The following ADK variants were observed in gnomAD, a reference collection of about 807,000 sequenced individuals.
ADK encodes the protein adenosine kinase, also known as N6,N6-dimethyladenosine kinase.
Under a neutral mutation model 44.7 loss-of-function variants are expected in ADK, and 24 were observed. The observed-to-expected ratio is 0.54, with a 90% CI of 0.39 to 0.76. The LOEUF is 0.76. ADK is among the 30% of genes least tolerant of loss of function. The pLI, the probability that ADK is intolerant of heterozygous loss-of-function variation, is 0.00. For synonymous variants in ADK, 128 were observed against 142.6 expected (o/e 0.90, Z 0.73); for missense variants, 321 against 425.1 (o/e 0.76, Z 2.15).
intron 5 of ADK, among the ~76,000 whole-genome samples, chr10:74,395,485 T>G (rs1201871696): frequency 6.6e-6 from 1 of 152,128 alleles, no homozygotes; most frequent in Admixed American, 6.5e-5. Context: ...ACAGGAGAAC[T>G]TTATGGTTTT....
intron 10 of ADK, among the ~76,000 whole-genome samples, chr10:74,705,868 C>T (rs1248332388): frequency 1.3e-5 from 2 of 152,124 alleles, no homozygotes; most frequent in Non-Finnish European, 2.9e-5. Flanking sequence ...TTTTAATTTG[C>T]ATTTCTTTAA....
chr10:74,533,203 A>G (rs542306886), intron 7 of ADK, among the ~76,000 whole-genome samples: 1 of 152,322 alleles, frequency 6.6e-6, no homozygotes, highest in African/African-American at 2.4e-5. Flanking sequence ...AAGACTCTGT[A>G]TTGTTAAATA....
intron 10 of ADK, among the ~76,000 whole-genome samples, chr10:74,671,201 T>C (rs1317674284): frequency 6.6e-6 from 1 of 152,082 alleles, no homozygotes; most frequent in East Asian, 1.9e-4. Context: ...TTTTTCTTTC[T>C]CTAAAACTAT....
intron 3 of ADK, among the ~76,000 whole-genome samples, chr10:74,288,004 GAAAA>G (rs1331300211): frequency 1.4e-5 from 2 of 145,138 alleles, no homozygotes; most frequent in African/African-American, 5.1e-5. Context: ...AAAAAAAAGA[GAAAA>G]AAAAATTTTT....
At chr10:74,526,737 A>G (rs1181952485) in intron 7 of ADK, among the ~76,000 whole-genome samples, 2 of 152,232 alleles carry the variant, frequency 1.3e-5, no homozygotes, top group African/African-American at 4.8e-5. Context: ...TATTCTTGAT[A>G]ATTCACAAAT....
intron 6 of ADK, among the ~76,000 whole-genome samples, chr10:74,413,075 G>A (rs1030507846): frequency 5.3e-5 from 8 of 151,724 alleles, no homozygotes; most frequent in Non-Finnish European, 1.0e-4. Flanking sequence ...AAAAAATTCA[G>A]CATACCATAC....
intron 3 of ADK, among the ~76,000 whole-genome samples, chr10:74,279,591 A>AAG (rs1223080232): frequency 8.5e-5 from 13 of 152,130 alleles, no homozygotes; most frequent in African/African-American, 2.9e-4. Flanking sequence ...AAAAAAAAAA[A>AAG]AAAATTGAGT....
chr10:74,233,549 A>G (rs1281787103), intron 3 of ADK, among the ~76,000 whole-genome samples: 1 of 152,124 alleles, frequency 6.6e-6, no homozygotes, highest in Admixed American at 6.5e-5. Context: ...ATTTTTTGCA[A>G]ATTTCTCTTG....
At chr10:74,617,923 A>G (rs553974272) in intron 9 of ADK, among the ~76,000 whole-genome samples, 1 of 152,198 alleles carries the variant, frequency 6.6e-6, no homozygotes, top group South Asian at 2.1e-4. Flanking sequence ...ATCTTAACTA[A>G]GTGTATATAA....
chr10:74,397,622 C>G (rs2132848981), intron 5 of ADK, among the ~76,000 whole-genome samples: 1 of 152,222 alleles, frequency 6.6e-6, no homozygotes, highest in South Asian at 2.1e-4. Context: ...ATTGCAGCCT[C>G]AAACTCCTGG....
chr10:74,409,704 A>G (rs77186039), intron 6 of ADK, among the ~76,000 whole-genome samples: 2,888 of 152,228 alleles, frequency 0.019, 74 homozygotes, highest in African/African-American at 0.056. Context: ...AATGTCACTA[A>G]TGTTTGCTTC....
At chr10:74,334,155 A>C (rs1463052320) in intron 4 of ADK, among the ~76,000 whole-genome samples, 2 of 152,142 alleles carry the variant, frequency 1.3e-5, no homozygotes, top group Non-Finnish European at 2.9e-5. Flanking sequence ...TCCCCTTTGT[A>C]GTCTTCCTTT....
At chr10:74,636,874 G>T (rs1046493237) in intron 9 of ADK, among the ~76,000 whole-genome samples, 1 of 152,112 alleles carries the variant, frequency 6.6e-6, no homozygotes, top group African/African-American at 2.4e-5. Flanking sequence ...AAAGTCACAG[G>T]CAAAGAAGAG....
intron 6 of ADK, among the ~76,000 whole-genome samples, chr10:74,417,455 T>A (rs1254570413): frequency 6.6e-6 from 1 of 152,162 alleles, no homozygotes; most frequent in African/African-American, 2.4e-5. Flanking sequence ...ATTGGGACAA[T>A]ACTTTGTAGG....
chr10:74,327,783 C>CT (rs1228849994), intron 4 of ADK, among the ~76,000 whole-genome samples: 1 of 152,078 alleles, frequency 6.6e-6, no homozygotes, highest in African/African-American at 2.4e-5. Flanking sequence ...GTTTTGTACT[C>CT]TATCTTTCCC....
intron 1 of ADK, among the ~76,000 whole-genome samples, chr10:74,178,410 T>A (rs529630635): frequency 6.6e-6 from 1 of 152,362 alleles, no homozygotes; most frequent in African/African-American, 2.4e-5. Context: ...TGAATTAGAA[T>A]TAGGCTATTA....
At chr10:74,700,855 T>G (rs567100707) in intron 10 of ADK, among the ~76,000 whole-genome samples, 2 of 152,222 alleles carry the variant, frequency 1.3e-5, no homozygotes, top group East Asian at 3.9e-4. Context: ...ATTAAATCAA[T>G]AAGGATAGAA....
chr10:74,226,248 CA>C (rs2132250219), intron 3 of ADK, among the ~76,000 whole-genome samples: 1 of 152,164 alleles, frequency 6.6e-6, no homozygotes, highest in African/African-American at 2.4e-5. Context: ...GCAGGGATTA[CA>C]GGCACCCGCC....
chr10:74,575,403 A>G (rs1262213009), intron 7 of ADK, among the ~76,000 whole-genome samples: 1 of 152,240 alleles, frequency 6.6e-6, no homozygotes, highest in Admixed American at 6.5e-5. Context: ...TTTACAATGC[A>G]GAAAGCCACT....
Sources: gnomAD v4.1 joint callset for allele counts (sites outside exome capture counted in the v4.1 genomes callset) on GRCh38, gnomAD v4.1.1 for gene constraint, MANE v1.5 for transcripts, NCBI Gene and HGNC (gene_info 2026-07-23, HGNC 2026-07-21) for gene names.